GALNTL5: variants seen among roughly 807,000 people sequenced by gnomAD.
GALNTL5 encodes the protein polypeptide N-acetylgalactosaminyltransferase like 5.
GALNTL5 carries 44 observed loss-of-function variants against 51.0 expected under a neutral mutation model. That is an observed-to-expected ratio of 0.86 (90% CI 0.68 to 1.11). GALNTL5 has a LOEUF of 1.11. GALNTL5 is among the 50% of genes least tolerant of loss of function. The probability of loss-of-function intolerance (pLI) is 0.00; values close to 1 mark genes in which losing one functional copy is unlikely to be tolerated. For synonymous variants in GALNTL5, 192 were observed against 182.8 expected, an observed-to-expected ratio of 1.05 and a Z score of -0.41; for missense variants, 528 against 531.8, an observed-to-expected ratio of 0.99 and a Z score of 0.07.
At chr7:151,980,903 G>T (rs890461455) in intron 3 of GALNTL5, among the ~76,000 whole-genome samples, 2 of 150,380 alleles carry the variant, frequency 1.3e-5, no homozygotes, top group African/African-American at 5.0e-5. Flanking sequence ...CCGCCACTGC[G>T]CCCGGCTAAA....
intron 3 of GALNTL5, among the ~76,000 whole-genome samples, chr7:151,978,783 A>G (rs2081238021): frequency 6.6e-6 from 1 of 152,116 alleles, no homozygotes; most frequent in African/African-American, 2.4e-5. Context: ...TCTTAACGTC[A>G]TCTTCCCTTT....
At position 151,969,147 on chromosome 7, in the gene GALNTL5, C is replaced by T. The variant is rs907314800; in HGVS notation, c.247+1654C>T. ...TTCGGTTTTTTATTTTTCATAAGTC[C>T]CCAAAATGCCTCACAATGTTACATT... On this transcript the variant is annotated intron_variant, in intron 2 of 8. Transcript: ENST00000392800. Among the ~76,000 whole-genome samples the T allele has an allele frequency of 2.0e-5, 3 of 151,822 alleles. No individual in the cohort carries two copies. The East Asian group carries it at 5.8e-4, about 29-fold the overall frequency.
intron 8 of GALNTL5, among the ~76,000 whole-genome samples, chr7:152,018,933 G>A (rs2151964139): frequency 6.6e-6 from 1 of 152,230 alleles, no homozygotes; most frequent in East Asian, 1.9e-4. Context: ...AAAGATAAGG[G>A]TTCTGTTTGC....
At chr7:151,981,740 C>T (rs1289513477) in intron 3 of GALNTL5, among the ~76,000 whole-genome samples, 7 of 148,566 alleles carry the variant, frequency 4.7e-5, no homozygotes, top group African/African-American at 1.7e-4. Flanking sequence ...CTTCTCTCTC[C>T]CAGGTTCAAA....
chr7:151,987,349 C>T, intron 5 of GALNTL5, 68 bp downstream of exon 5: 2 of 1,386,774 alleles, frequency 1.4e-6, no homozygotes, highest in Non-Finnish European at 9.6e-7. Context: ...GAGCGGGACT[C>T]CTCTGCAGGG....
intron 5 of GALNTL5, among the ~76,000 whole-genome samples, chr7:151,996,550 G>C (rs1009524251): frequency 1.1e-3 from 169 of 152,180 alleles, no homozygotes; most frequent in African/African-American, 3.9e-3. Flanking sequence ...GACCAGCCTG[G>C]GAAACATGAG....
In GALNTL5 at chr7:152,019,892, G is replaced by A. The variant is rs2151964597; in HGVS notation, c.*91G>A. 2 of 1,087,132 alleles carry A rather than the reference G, an allele frequency of 1.8e-6. No individual in the cohort carries two copies. The highest frequency in any genetic ancestry group is 3.2e-5 in the African/African-American group (2 of 62,216). 67.3% of individuals were successfully genotyped at this position (1,087,132 alleles called of 1,614,324 possible). ...CAAGAGTGTAAGTTTGGAACATCGT[G>A]GAATTACGTGAAATGCAATTAAAAA... On this transcript the variant is annotated 3_prime_UTR_variant, in exon 9 of 9. Coordinates refer to ENST00000392800, the MANE Select transcript of GALNTL5 (RefSeq NM_145292.4).
chr7:151,995,348 ATTTTTTTTTTTTTT>A (rs71198750), intron 5 of GALNTL5: 95 of 71,154 alleles, frequency 1.3e-3, no homozygotes, highest in African/African-American at 4.0e-3. Flanking sequence ...GTTGGTATGA[ATTTTTTTTTTTTTT>A]TTTTTTTTTT....
At chr7:151,957,905 G>C (rs1234903221) in intron 1 of GALNTL5, 2 of 151,262 alleles carry the variant, frequency 1.3e-5, no homozygotes, top group Non-Finnish European at 2.9e-5. Context: ...GGTTTTCTGT[G>C]TTTTGTGGGA....
intron 5 of GALNTL5, among the ~76,000 whole-genome samples, chr7:151,999,550 G>A (rs2081545063): frequency 6.6e-6 from 1 of 152,156 alleles, no homozygotes; most frequent in South Asian, 2.1e-4. Context: ...CGTCATCCTA[G>A]TGGAAGTGAA....
intron 6 of GALNTL5, among the ~76,000 whole-genome samples, chr7:152,006,202 C>T (rs4726130): frequency 0.39 from 59,668 of 151,924 alleles, 12,181 homozygotes; most frequent in Middle Eastern, 0.43. Flanking sequence ...GCTGGATCAG[C>T]GAGAGAAGGA....
intron 4 of GALNTL5, among the ~76,000 whole-genome samples, chr7:151,986,162 T>C (rs752907825): frequency 2.6e-5 from 4 of 152,204 alleles, no homozygotes; most frequent in Non-Finnish European, 4.4e-5. Context: ...TCATCCCTTC[T>C]CTCAGCTGAG....
intron 3 of GALNTL5, among the ~76,000 whole-genome samples, chr7:151,981,613 C>T (rs2081291254): frequency 4.8e-5 from 5 of 104,902 alleles, no homozygotes; most frequent in Admixed American, 2.2e-4. Flanking sequence ...TTCCCTCCTT[C>T]CTTCCTTCCT....
chr7:151,995,254 G>A (rs951297104), intron 5 of GALNTL5: 1 of 151,496 alleles, frequency 6.6e-6, no homozygotes, highest in African/African-American at 2.4e-5. Context: ...CCCCGCAGAG[G>A]AGGAGAAGGC....
chr7:151,990,809 T>C (rs1341475325), intron 5 of GALNTL5, among the ~76,000 whole-genome samples: 1 of 151,940 alleles, frequency 6.6e-6, no homozygotes, highest in East Asian at 1.9e-4. Flanking sequence ...TTGGAGGCTC[T>C]GGGTTGAAGA....
At chr7:152,006,645 C>T (rs1321115525) in intron 6 of GALNTL5, among the ~76,000 whole-genome samples, 1 of 152,178 alleles carries the variant, frequency 6.6e-6, no homozygotes, top group Non-Finnish European at 1.5e-5. Flanking sequence ...CTCTAATTGG[C>T]TTCCCTACCC....
chr7:151,957,578 G>T (rs967785051), intron 1 of GALNTL5, among the ~76,000 whole-genome samples: 1 of 145,484 alleles, frequency 6.9e-6, no homozygotes, highest in Admixed American at 7.0e-5. Flanking sequence ...AAAAAAAAAA[G>T]AAAGAAACTC....
chr7:151,960,529 GA>G (rs1290646651), intron 1 of GALNTL5: 2 of 152,370 alleles, frequency 1.3e-5, no homozygotes, highest in Middle Eastern at 3.4e-3. Context: ...ACTTTATTCG[GA>G]GCAGATCTGG....
intron 2 of GALNTL5, among the ~76,000 whole-genome samples, chr7:151,968,144 T>C (rs1158326757): frequency 6.6e-6 from 1 of 151,608 alleles, no homozygotes; most frequent in African/African-American, 2.4e-5. Flanking sequence ...AAAATAGTAA[T>C]AAAAACTAGC....
Sources: allele counts gnomAD v4.1 joint callset (sites outside exome capture counted in the v4.1 genomes callset), GRCh38; gene constraint gnomAD v4.1.1; transcripts MANE v1.5; gene names NCBI Gene and HGNC (gene_info 2026-07-23, HGNC 2026-07-21).